Variants in WDR7 observed in about 807,000 individuals in gnomAD.
WDR7 encodes WD repeat domain 7, also known as WD repeat-containing protein 7.
In WDR7, 46 loss-of-function variants were observed where a neutral mutation model predicts 169.4. The observed-to-expected ratio is 0.27, with a 90% CI of 0.21 to 0.35. The LOEUF is 0.35. Among genes scored for constraint, WDR7 ranks in the 10% least tolerant of loss-of-function variants. The pLI, the probability that WDR7 is intolerant of heterozygous loss-of-function variation, is 1.00. For missense variants in WDR7, 1,534 were observed against 1,859.3 expected (o/e 0.83, Z 3.22); for synonymous variants, 612 against 666.8 (o/e 0.92, Z 1.27).
intron 22 of WDR7, among the ~76,000 whole-genome samples, chr18:56,931,495 CA>C (rs1188633264): frequency 6.6e-6 from 1 of 152,124 alleles, no homozygotes; most frequent in African/African-American, 2.4e-5. Flanking sequence ...CTGAATTTGC[CA>C]GCTACTTCAC....
chr18:56,985,628 T>G (rs1314618062), intron 26 of WDR7, among the ~76,000 whole-genome samples: 1 of 152,118 alleles, frequency 6.6e-6, no homozygotes, highest in African/African-American at 2.4e-5. Flanking sequence ...AATTGAAGCT[T>G]TAATCAGTGG....
intron 22 of WDR7, among the ~76,000 whole-genome samples, chr18:56,931,579 G>A (rs1166519868): frequency 1.3e-5 from 2 of 152,156 alleles, no homozygotes; most frequent in East Asian, 3.9e-4. Flanking sequence ...ACACAGAATT[G>A]TCAGGCATGT....
intron 19 of WDR7, among the ~76,000 whole-genome samples, chr18:56,812,058 T>C (rs1336023853): frequency 1.3e-5 from 2 of 152,182 alleles, no homozygotes; most frequent in Non-Finnish European, 2.9e-5. Flanking sequence ...TTGTGGAGAT[T>C]TGGCGTCTTT....
At chr18:56,732,555 C>T (rs1377182550) in intron 14 of WDR7, among the ~76,000 whole-genome samples, 2 of 152,166 alleles carry the variant, frequency 1.3e-5, no homozygotes, top group Non-Finnish European at 2.9e-5. Flanking sequence ...ATACTGTAGG[C>T]AGTTCCACTG....
At chr18:56,663,504 G>T (rs2024950069) in intron 1 of WDR7, among the ~76,000 whole-genome samples, 1 of 152,090 alleles carries the variant, frequency 6.6e-6, no homozygotes, top group African/African-American at 2.4e-5. Context: ...AAAGCATTTA[G>T]GGGTGAATCA....
At chr18:56,713,348 T>G (rs2026124208) in intron 12 of WDR7, among the ~76,000 whole-genome samples, 1 of 152,224 alleles carries the variant, frequency 6.6e-6, no homozygotes. Flanking sequence ...TATTCTTAAA[T>G]CTGTTTATTT....
At position 57,027,250 on chromosome 18, in the gene WDR7, T is replaced by C; in HGVS notation, c.*43T>C. The C allele has an allele frequency of 6.4e-7, 1 of 1,557,568 alleles. No homozygotes were observed. Among genetic ancestry groups the C allele is most frequent in the Non-Finnish European group, 8.7e-7 (1 of 1,153,980 alleles). On this transcript the variant is annotated 3_prime_UTR_variant, in exon 28 of 28. Transcript: ENST00000254442. ...GTGACTGCGTTTTAGTTCTCTAAAT[T>C]ATCCAAGCCGATGTTGCTCTGTCCT...
chr18:56,836,539 A>G (rs1204036062), intron 20 of WDR7, among the ~76,000 whole-genome samples: 3 of 152,240 alleles, frequency 2.0e-5, no homozygotes, highest in South Asian at 2.1e-4. Context: ...TTGCTATTGT[A>G]TATCAGTCAA....
chr18:56,725,018 G>A (rs1306810140), intron 13 of WDR7, among the ~76,000 whole-genome samples: 1 of 151,766 alleles, frequency 6.6e-6, no homozygotes, highest in Non-Finnish European at 1.5e-5. Flanking sequence ...ATTCCATGGT[G>A]TATATGTGCC....
Position 56,941,578 on chromosome 18 carries a change from G to A in WDR7, c.4064+2185G>A, listed in dbSNP as rs141230060. On this transcript the variant is annotated intron_variant, in intron 25 of 27. Transcript: ENST00000254442. ...GCTAGAACATAGGTTGAGGATAGGA[G>A]TCTAGTATAGTGCCCGAGTATAGAG... Among the ~76,000 whole-genome samples the A allele has an allele frequency of 8.5e-5, 13 of 152,306 alleles. No individual in the cohort carries two copies. In the East Asian group the frequency reaches 2.5e-3, roughly 29 times the overall value.
intron 19 of WDR7, among the ~76,000 whole-genome samples, chr18:56,803,502 A>G (rs1393268066): frequency 6.6e-6 from 1 of 152,162 alleles, no homozygotes; most frequent in Non-Finnish European, 1.5e-5. Flanking sequence ...GCCATCAAAT[A>G]TCTTATTTAT....
intron 26 of WDR7, among the ~76,000 whole-genome samples, chr18:56,970,235 TG>T (rs1255710272): frequency 1.2e-4 from 18 of 145,908 alleles, no homozygotes; most frequent in Non-Finnish European, 1.6e-4. Context: ...TTTTTTGGTT[TG>T]TTTTTTTTTT....
At chr18:56,866,626 G>A (rs1281137991) in intron 20 of WDR7, among the ~76,000 whole-genome samples, 1 of 152,060 alleles carries the variant, frequency 6.6e-6, no homozygotes, top group East Asian at 1.9e-4. Context: ...GAGAAATTAT[G>A]TTTCAGAGAA....
At chr18:56,818,891 T>A (rs990749112) in intron 20 of WDR7, among the ~76,000 whole-genome samples, 1 of 152,210 alleles carries the variant, frequency 6.6e-6, no homozygotes, top group African/African-American at 2.4e-5. Context: ...TATTTCTTCA[T>A]AAAATAAGTA....
intron 21 of WDR7, among the ~76,000 whole-genome samples, chr18:56,900,437 C>G (rs1326046843): frequency 6.6e-6 from 1 of 151,988 alleles, no homozygotes; most frequent in African/African-American, 2.4e-5. Flanking sequence ...GTTACCTAAA[C>G]AGTGGAAGTT....
At chr18:56,722,566 G>C (rs1290883800) in intron 13 of WDR7, among the ~76,000 whole-genome samples, 1 of 152,200 alleles carries the variant, frequency 6.6e-6, no homozygotes, top group Non-Finnish European at 1.5e-5. Context: ...TTAAGAAAAA[G>C]AGGTAATTGA....
chr18:56,670,183 G>T (rs2025103298), intron 1 of WDR7, among the ~76,000 whole-genome samples: 1 of 152,078 alleles, frequency 6.6e-6, no homozygotes, highest in African/African-American at 2.4e-5. Context: ...GTCCTTTCTA[G>T]AAGTATTTGA....
intron 14 of WDR7, among the ~76,000 whole-genome samples, chr18:56,739,695 T>G (rs369878522): frequency 5.7e-4 from 87 of 152,200 alleles, no homozygotes; most frequent in African/African-American, 1.9e-3. Context: ...TGATTATAGA[T>G]TTTTAGGTTG....
At chr18:56,654,328 C>T (rs2144398531) in intron 1 of WDR7, among the ~76,000 whole-genome samples, 1 of 152,306 alleles carries the variant, frequency 6.6e-6, no homozygotes, top group East Asian at 1.9e-4. Flanking sequence ...GACGGAGTTT[C>T]ACTATGTTGG....
Sources: gnomAD v4.1 joint callset for allele counts (sites outside exome capture counted in the v4.1 genomes callset) on GRCh38, gnomAD v4.1.1 for gene constraint, MANE v1.5 for transcripts, NCBI Gene and HGNC (gene_info 2026-07-23, HGNC 2026-07-21) for gene names.